The following TWIST2 variants were observed in gnomAD, a reference collection of about 807,000 sequenced individuals.
The protein encoded by TWIST2 is twist-related protein 2.
Under a neutral mutation model 11.6 loss-of-function variants are expected in TWIST2, and 1 was observed. The observed-to-expected ratio is 0.09, with a 90% CI of 0.03 to 0.41. TWIST2 has a LOEUF of 0.41. TWIST2 is among the 10% of genes least tolerant of loss of function. TWIST2 has a pLI of 0.98. For missense variants in TWIST2, 168 were observed against 226.4 expected, an observed-to-expected ratio of 0.74 and a Z score of 1.66; for synonymous variants, 87 against 96.6, an observed-to-expected ratio of 0.90 and a Z score of 0.58.
chr2:238,848,263 C>A lies in TWIST2; in HGVS notation c.48C>A (p.Gly16=). Residue 16 remains glycine, a synonymous_variant, in exon 1 of 2, where the codon GGC becomes GGA. Transcript: ENST00000612363. Reference sequence around the variant, plus strand: ...CCGTGTCCCCCGTGGACAGCCTGGGCACCAGCGAGGAGGAGCTCGAGAGGC... The same window carrying A: ...CCGTGTCCCCCGTGGACAGCCTGGGAACCAGCGAGGAGGAGCTCGAGAGGC... ...SSPVSPVDSL[G]TSEEELERQP... 6.6e-7 allele frequency: 1 copy of A among 1,525,422 alleles called. No homozygotes were observed. The highest frequency in any genetic ancestry group is 8.8e-7 in the Non-Finnish European group (1 of 1,139,674). The allele number at this position is 1,525,422 out of a possible 1,614,324, so 94.5% of individuals were successfully genotyped here. A position where few individuals can be genotyped will look rare whatever the true frequency, so the allele number is the denominator to read the frequency against.
chr2:238,860,681 T>TA (rs1315948534), intron 1 of TWIST2, among the ~76,000 whole-genome samples: 8 of 152,202 alleles, frequency 5.3e-5, no homozygotes, highest in Admixed American at 5.2e-4. Flanking sequence ...CTCACGCCTG[T>TA]AATCCCAGCA....
intron 1 of TWIST2, among the ~76,000 whole-genome samples, chr2:238,898,144 G>A (rs1693226514): frequency 6.6e-6 from 1 of 152,220 alleles, no homozygotes; most frequent in African/African-American, 2.4e-5. Flanking sequence ...CCCGGGTGCT[G>A]GGGGTGGGGC....
At chr2:238,886,324 C>A (rs759524683) in intron 1 of TWIST2, among the ~76,000 whole-genome samples, 2 of 152,082 alleles carry the variant, frequency 1.3e-5, no homozygotes, top group Admixed American at 1.3e-4. Flanking sequence ...AGTTCAGATA[C>A]CCACAACTGA....
intron 1 of TWIST2, among the ~76,000 whole-genome samples, chr2:238,856,943 C>G (rs997608762): frequency 6.6e-6 from 1 of 152,202 alleles, no homozygotes; most frequent in Non-Finnish European, 1.5e-5. Context: ...GGCATCAACA[C>G]TGCCCAGCAA....
chr2:238,896,039 C>T (rs1205631776), intron 1 of TWIST2, among the ~76,000 whole-genome samples: 2 of 152,214 alleles, frequency 1.3e-5, no homozygotes, highest in African/African-American at 2.4e-5. Context: ...GGCCAATAGC[C>T]ACCGGGAGCC....
At chr2:238,865,225 A>C (rs1351080426) in intron 1 of TWIST2, among the ~76,000 whole-genome samples, 2 of 152,230 alleles carry the variant, frequency 1.3e-5, no homozygotes, top group Non-Finnish European at 2.9e-5. Flanking sequence ...GGGCAGAGCC[A>C]GGAAGCAAAC....
At chr2:238,898,699 A>G (rs1210550963) in intron 1 of TWIST2, among the ~76,000 whole-genome samples, 1 of 152,226 alleles carries the variant, frequency 6.6e-6, no homozygotes, top group African/African-American at 2.4e-5. Context: ...GAAGGCACCC[A>G]TGTCGGCCCA....
chr2:238,861,921 G>A (rs1031406935), intron 1 of TWIST2, among the ~76,000 whole-genome samples: 15 of 152,192 alleles, frequency 9.9e-5, no homozygotes, highest in African/African-American at 3.4e-4. Flanking sequence ...AGTATATATA[G>A]GGTTCCGTAC....
intron 1 of TWIST2, among the ~76,000 whole-genome samples, chr2:238,877,227 C>A (rs1253100782): frequency 6.6e-6 from 1 of 152,080 alleles, no homozygotes; most frequent in African/African-American, 2.4e-5. Flanking sequence ...CTAGGTAGCA[C>A]TCAAGTCTTT....
At chr2:238,878,004 C>T (rs528504880) in intron 1 of TWIST2, among the ~76,000 whole-genome samples, 31 of 152,182 alleles carry the variant, frequency 2.0e-4, no homozygotes, top group African/African-American at 7.5e-4. Flanking sequence ...TGATGTTTGT[C>T]CTATTCAGGT....
intron 1 of TWIST2, among the ~76,000 whole-genome samples, chr2:238,899,100 G>A (rs1301982993): frequency 6.6e-6 from 1 of 152,228 alleles, no homozygotes; most frequent in Admixed American, 6.5e-5. Context: ...TTACAGCCCT[G>A]TCCATCATCT....
intron 1 of TWIST2, among the ~76,000 whole-genome samples, chr2:238,902,224 ATG>A (rs1404291374): frequency 1.6e-5 from 2 of 126,730 alleles, no homozygotes; most frequent in Admixed American, 7.5e-5. Flanking sequence ...GATGTGGAGT[ATG>A]TGTGTGTGTG....
chr2:238,884,164 C>T (rs1441226022), intron 1 of TWIST2, among the ~76,000 whole-genome samples: 3 of 152,224 alleles, frequency 2.0e-5, no homozygotes, highest in African/African-American at 7.2e-5. Flanking sequence ...CCGGCACTTA[C>T]AAGCCAGTTC....
Position 238,866,239 on chromosome 2 carries a change from C to T in TWIST2, c.*35+17506C>T, listed in dbSNP as rs1692530816. Among the ~76,000 whole-genome samples, 1 of 152,202 alleles carries T rather than the reference C, an allele frequency of 6.6e-6. No individual in the cohort carries two copies. Among genetic ancestry groups the T allele is most frequent in the South Asian group, 2.1e-4 (1 of 4,828 alleles). On this transcript the variant is annotated intron_variant, in intron 1 of 1. Coordinates refer to ENST00000612363, the MANE Select transcript of TWIST2 (RefSeq NM_001271893.4). This position sits in a 1 kb window ranked among gnomAD's most constrained non-coding sequence, Gnocchi z 4.9. The stretch of plus-strand genomic sequence containing the variant: ...TGAGCTGCCTCTGAGCCCTGGGCAC[C>T]CTCCATGGCGAGCTCCCCAGGCCAG...
intron 1 of TWIST2, among the ~76,000 whole-genome samples, chr2:238,888,978 G>T (rs551152886): frequency 6.6e-6 from 1 of 152,140 alleles, no homozygotes; most frequent in South Asian, 2.1e-4. Context: ...TCTTTGACAC[G>T]CAAATGGTTG....
chr2:238,854,819 C>A (rs1257525360), intron 1 of TWIST2, among the ~76,000 whole-genome samples: 3 of 152,212 alleles, frequency 2.0e-5, no homozygotes, highest in African/African-American at 7.2e-5. Context: ...CATGTACAAT[C>A]TCGGGCTCTG....
intron 1 of TWIST2, among the ~76,000 whole-genome samples, chr2:238,902,720 T>C (rs1187839726): frequency 4.0e-5 from 5 of 123,608 alleles, no homozygotes; most frequent in Non-Finnish European, 3.3e-5. Flanking sequence ...GTGTGTGATG[T>C]GTGTGTGATG....
rs1286702583 is a variant in TWIST2 at position 238,904,219 on chromosome 2, AGT to A, written c.*36-5613_*36-5612del. Among the ~76,000 whole-genome samples, 4 of 5,206 alleles carry A rather than the reference AGT, an allele frequency of 7.7e-4. No homozygotes were observed. In the South Asian group the frequency reaches 0.015, roughly 19 times the overall value. 3.4% of individuals were successfully genotyped at this position (5,206 alleles called of 152,430 possible). A position where few individuals can be genotyped will look rare whatever the true frequency, so the allele number is the denominator to read the frequency against. ...GTGTGTGATGTGAGGTGTGTGATGT[AGT>A]GTGTGTGTGATGTGGGGTGTGTGTG... On this transcript the variant is annotated intron_variant, in intron 1 of 1. Transcript: ENST00000612363.
chr2:238,894,954 C>T (rs1294002621), intron 1 of TWIST2, among the ~76,000 whole-genome samples: 2 of 152,132 alleles, frequency 1.3e-5, no homozygotes, highest in Non-Finnish European at 2.9e-5. Flanking sequence ...TTTTATTGTA[C>T]TTTTATTATT....
Sources: allele counts gnomAD v4.1 joint callset (sites outside exome capture counted in the v4.1 genomes callset), GRCh38; gene constraint gnomAD v4.1.1; non-coding constraint Gnocchi (gnomAD v3.1); transcripts MANE v1.5; gene names NCBI Gene and HGNC (gene_info 2026-07-23, HGNC 2026-07-21).